The following IFT22 variants were observed in gnomAD, a reference collection of about 807,000 sequenced individuals.
IFT22 encodes the protein intraflagellar transport protein 22 homolog.
In IFT22, 13 loss-of-function variants were observed where a neutral mutation model predicts 21.0. The ratio of observed to expected loss-of-function variants is 0.62; its 90% CI spans 0.40 to 0.98. The LOEUF (loss-of-function observed/expected upper bound fraction) is 0.98. Ranked by LOEUF, IFT22 falls within the 50% of genes least tolerant of loss-of-function variation. IFT22 has a pLI of 0.00. For missense variants in IFT22, 227 were observed against 228.9 expected, an observed-to-expected ratio of 0.99 and a Z score of 0.06; for synonymous variants, 67 against 82.4, an observed-to-expected ratio of 0.81 and a Z score of 1.01.
chr7:101,320,726 C>A (rs1018876576), intron 1 of IFT22, among the ~76,000 whole-genome samples: 11 of 152,128 alleles, frequency 7.2e-5, no homozygotes, highest in African/African-American at 2.7e-4. Context: ...GCCCAGGACT[C>A]GAGCAAAGGC....
Position 101,318,105 on chromosome 7 carries a change from T to C in IFT22, c.206+19A>G. On this transcript the variant is annotated intron_variant, in intron 3 of 4. Transcript: ENST00000315322. ...TTTTAAACCATTTGATGAAGTGACT[T>C]TCTTTAAAGGAAACATACTTAGCAT... The C allele has an allele frequency of 6.2e-7, 1 of 1,605,200 alleles. No homozygotes were observed. The highest frequency in any genetic ancestry group is 8.5e-7 in the Non-Finnish European group (1 of 1,172,464).
chr7:101,314,301 C>G lies in IFT22; in HGVS notation c.*833G>C, dbSNP rs1790071340. ...CCTCCCAAGTAGCTGGGATTACAGG[C>G]ACGCGGCACCACACCCAGCTGATTT... On this transcript the variant is annotated 3_prime_UTR_variant, in exon 5 of 5. Transcript: ENST00000315322. 6.6e-6 allele frequency: 1 copy of G among 152,098 alleles called. No homozygotes were observed. The highest frequency in any genetic ancestry group is 2.4e-5 in the African/African-American group (1 of 41,410). 9.4% of individuals were successfully genotyped at this position (152,098 alleles called of 1,614,324 possible).
In IFT22 at chr7:101,321,810, C is replaced by T. The variant is rs1790365422; in HGVS notation, c.-101G>A. On this transcript the variant is annotated 5_prime_UTR_variant, in exon 1 of 5. Transcript: ENST00000315322. Reference sequence around the variant, plus strand: ...TCGTTTCCATGGCGACGGAGAGAGGCCCGCAGGGCCGACGGGACTCGGCCA... The same window carrying T: ...TCGTTTCCATGGCGACGGAGAGAGGTCCGCAGGGCCGACGGGACTCGGCCA... 3.5e-6 allele frequency: 4 copies of T among 1,136,398 alleles called. No individual in the cohort carries two copies. The East Asian group carries it at 1.3e-4, about 37-fold the overall frequency. 70.4% of individuals were successfully genotyped at this position (1,136,398 alleles called of 1,614,324 possible).
In IFT22 at chr7:101,311,813, C is replaced by G. The variant is rs1337571085; in HGVS notation, c.*3321G>C. Among the ~76,000 whole-genome samples, 2 of 151,002 alleles carry G rather than the reference C, an allele frequency of 1.3e-5. No individual in the cohort carries two copies. The highest frequency in any genetic ancestry group is 4.9e-5 in the African/African-American group (2 of 41,038). On this transcript the variant is annotated 3_prime_UTR_variant, in exon 5 of 5. Transcript: ENST00000315322. ...GACCACAAGGTCAGGAGTTCAAGAC[C>G]AGCCTGGCCAAGATGGTGAAACCGT... is the stretch of plus-strand genomic sequence containing the variant.
Sources: gnomAD v4.1 joint callset for allele counts (sites outside exome capture counted in the v4.1 genomes callset) on GRCh38, gnomAD v4.1.1 for gene constraint, MANE v1.5 for transcripts, NCBI Gene and HGNC (gene_info 2026-07-23, HGNC 2026-07-21) for gene names.